AUTS2: variants seen among roughly 807,000 people sequenced by gnomAD.
The protein encoded by AUTS2 is autism susceptibility gene 2 protein.
Under a neutral mutation model 112.4 loss-of-function variants are expected in AUTS2, and 17 were observed. The ratio of observed to expected loss-of-function variants is 0.15; its 90% CI spans 0.10 to 0.23. The LOEUF (loss-of-function observed/expected upper bound fraction) is 0.23. Among genes scored for constraint, AUTS2 ranks in the 10% least tolerant of loss-of-function variants. The pLI is 1.00. For missense variants in AUTS2, 1,510 were observed against 1,701.6 expected, an observed-to-expected ratio of 0.89 and a Z score of 1.98; for synonymous variants, 751 against 702.7, an observed-to-expected ratio of 1.07 and a Z score of -1.09.
At chr7:70,275,551 T>A (rs973109448) in intron 4 of AUTS2, among the ~76,000 whole-genome samples, 4 of 152,014 alleles carry the variant, frequency 2.6e-5, no homozygotes, top group Non-Finnish European at 4.4e-5. Flanking sequence ...TAAAAAAAAA[T>A]TTGTATATTT....
intron 4 of AUTS2, chr7:70,294,119 GA>G (rs1489521079): frequency 6.6e-6 from 1 of 152,158 alleles, no homozygotes; most frequent in East Asian, 1.9e-4. Flanking sequence ...GAACCTACCT[GA>G]AAATGGGTTT....
intron 1 of AUTS2, among the ~76,000 whole-genome samples, chr7:69,883,485 C>T (rs776312158): frequency 6.6e-6 from 1 of 152,076 alleles, no homozygotes; most frequent in Non-Finnish European, 1.5e-5. Flanking sequence ...CATCTTGTTT[C>T]CAACCCAGCT....
intron 5 of AUTS2, among the ~76,000 whole-genome samples, chr7:70,597,534 A>G (rs1307024994): frequency 1.7e-4 from 26 of 152,342 alleles, no homozygotes; most frequent in Non-Finnish European, 2.9e-4. Context: ...CAGAGTGAGT[A>G]TGTAGGTGTG....
intron 2 of AUTS2, among the ~76,000 whole-genome samples, chr7:69,993,383 A>C (rs1485510836): frequency 6.6e-6 from 1 of 152,244 alleles, no homozygotes; most frequent in South Asian, 2.1e-4. Context: ...AATTCTTCAA[A>C]AGAGACTTCA....
intron 4 of AUTS2, among the ~76,000 whole-genome samples, chr7:70,384,395 C>T (rs1274585986): frequency 3.3e-5 from 5 of 152,184 alleles, no homozygotes; most frequent in Admixed American, 1.3e-4. Flanking sequence ...CAGCAAACAA[C>T]GTGTTTGGGT....
At chr7:70,784,396 G>C in intron 15 of AUTS2, 1 of 152,338 alleles carries the variant, frequency 6.6e-6, no homozygotes, top group Non-Finnish European at 1.5e-5. Context: ...TGGGTTTCTG[G>C]AAGTGTTTCT....
chr7:70,419,741 T>C (rs1461270664), intron 4 of AUTS2, among the ~76,000 whole-genome samples: 1 of 152,224 alleles, frequency 6.6e-6, no homozygotes, highest in Non-Finnish European at 1.5e-5. Context: ...CAGAAGTATA[T>C]GAGTGTCTGC....
chr7:70,686,985 C>G (rs538964548), intron 5 of AUTS2, among the ~76,000 whole-genome samples: 1 of 152,174 alleles, frequency 6.6e-6, no homozygotes, highest in Non-Finnish European at 1.5e-5. Flanking sequence ...TTGTGTTCTA[C>G]GCCGATCCGT....
intron 2 of AUTS2, among the ~76,000 whole-genome samples, chr7:70,096,471 G>T (rs370382952): frequency 6.6e-6 from 1 of 151,382 alleles, no homozygotes; most frequent in Non-Finnish European, 1.5e-5. Flanking sequence ...GGTGGCGGGC[G>T]CCTGTAATCC....
At chr7:69,660,090 G>A (rs1483330491) in intron 1 of AUTS2, among the ~76,000 whole-genome samples, 1 of 152,214 alleles carries the variant, frequency 6.6e-6, no homozygotes, top group Non-Finnish European at 1.5e-5. Context: ...TGGCACTCCA[G>A]GGGAATCAAA....
chr7:70,180,596 C>T (rs1307281709), intron 4 of AUTS2, among the ~76,000 whole-genome samples: 2 of 152,076 alleles, frequency 1.3e-5, no homozygotes, highest in Non-Finnish European at 2.9e-5. Flanking sequence ...GCTCTTAGGC[C>T]GGGCTTTTGG....
intron 2 of AUTS2, among the ~76,000 whole-genome samples, chr7:70,079,814 A>T (rs1055538639): frequency 1.3e-5 from 2 of 152,180 alleles, no homozygotes; most frequent in African/African-American, 4.8e-5. Flanking sequence ...CAAACTGAGT[A>T]ATTTATAAGC....
At chr7:70,540,101 G>T (rs559028838) in intron 5 of AUTS2, among the ~76,000 whole-genome samples, 1 of 152,186 alleles carries the variant, frequency 6.6e-6, no homozygotes, top group East Asian at 1.9e-4. Context: ...AGGAGCTCTT[G>T]GCACCCTGCC....
At chr7:70,720,766 A>G (rs140131109) in intron 6 of AUTS2, among the ~76,000 whole-genome samples, 129 of 152,292 alleles carry the variant, frequency 8.5e-4, no homozygotes, top group African/African-American at 3.1e-3. Flanking sequence ...ACCTTTAGGC[A>G]ACACAGCACA....
chr7:69,713,887 T>A (rs947545367), intron 1 of AUTS2, among the ~76,000 whole-genome samples: 7 of 152,200 alleles, frequency 4.6e-5, no homozygotes, highest in Admixed American at 3.3e-4. Flanking sequence ...ATAGAGGTTT[T>A]AAATTTTGAT....
chr7:70,688,872 C>T (rs553078303), intron 5 of AUTS2, among the ~76,000 whole-genome samples: 5 of 152,236 alleles, frequency 3.3e-5, no homozygotes, highest in Non-Finnish European at 2.9e-5. Flanking sequence ...TTTTTATAGT[C>T]GTAGGCAAAA....
intron 5 of AUTS2, among the ~76,000 whole-genome samples, chr7:70,504,195 T>C (rs1299116007): frequency 1.3e-5 from 2 of 151,892 alleles, no homozygotes; most frequent in Non-Finnish European, 2.9e-5. Context: ...GCTATTTTTA[T>C]TTCCTTCTGC....
chr7:69,959,548 G>A (rs186610750), intron 2 of AUTS2, among the ~76,000 whole-genome samples: 207 of 152,048 alleles, frequency 1.4e-3, no homozygotes, highest in Non-Finnish European at 2.1e-3. Flanking sequence ...TTTGGATCTC[G>A]GACTTTGTTA....
At chr7:70,153,141 T>G (rs1303985765) in intron 4 of AUTS2, among the ~76,000 whole-genome samples, 1 of 152,226 alleles carries the variant, frequency 6.6e-6, no homozygotes, top group Admixed American at 6.5e-5. Flanking sequence ...TAGCTTTATT[T>G]GTAATAGCCC....
Sources: allele counts gnomAD v4.1 joint callset (sites outside exome capture counted in the v4.1 genomes callset), GRCh38; gene constraint gnomAD v4.1.1; transcripts MANE v1.5; gene names NCBI Gene and HGNC (gene_info 2026-07-23, HGNC 2026-07-21).